AKR1B1: variants seen among roughly 807,000 people sequenced by gnomAD.
The protein encoded by AKR1B1 is aldo-keto reductase family 1 member B.
Under a neutral mutation model 40.4 loss-of-function variants are expected in AKR1B1, and 22 were observed. That is an observed-to-expected ratio of 0.54 (90% CI 0.39 to 0.78). The LOEUF is 0.78. AKR1B1 is among the 30% of genes least tolerant of loss of function. The pLI, the probability that AKR1B1 is intolerant of heterozygous loss-of-function variation, is 0.00. For synonymous variants in AKR1B1, 157 were observed against 149.9 expected (o/e 1.05, Z -0.35); for missense variants, 357 against 396.7 (o/e 0.90, Z 0.85).
intron 9 of AKR1B1, 95 bp from the exon 10 acceptor site, chr7:134,442,865 A>C: frequency 8.1e-7 from 1 of 1,228,510 alleles, no homozygotes; most frequent in Non-Finnish European, 1.2e-6. Context: ...CACTGAAGAA[A>C]TAAAATAGAA....
chr7:134,446,573 T>C (rs1806101772), intron 8 of AKR1B1, among the ~76,000 whole-genome samples: 1 of 53,866 alleles, frequency 1.9e-5, no homozygotes, highest in Non-Finnish European at 3.3e-5. Context: ...CTGCTCTCCT[T>C]TGGGCGTGCC....
Position 134,442,627 on chromosome 7 carries a change from C to T in AKR1B1, c.*101G>A, listed in dbSNP as rs1470771909. The T allele has an allele frequency of 1.5e-5, 18 of 1,205,246 alleles. No homozygotes were observed. The highest frequency in any genetic ancestry group is 2.2e-5 in the Non-Finnish European group (18 of 822,088). 74.7% of individuals were successfully genotyped at this position (1,205,246 alleles called of 1,614,324 possible). A position where few individuals can be genotyped will look rare whatever the true frequency, so the allele number is the denominator to read the frequency against. ...CGCTGGCCACTCTACAGGTTGCTGT[C>T]CCACTGCTGAGTGACACAGGCCATA... is the stretch of plus-strand genomic sequence containing the variant. On this transcript the variant is annotated 3_prime_UTR_variant, in exon 10 of 10. Transcript: ENST00000285930.
At chr7:134,455,629 G>A (rs1585718734) in intron 1 of AKR1B1, among the ~76,000 whole-genome samples, 1 of 152,210 alleles carries the variant, frequency 6.6e-6, no homozygotes, top group Middle Eastern at 3.4e-3. Context: ...TGTCGCCTAG[G>A]CTGGAGTGCA....
At chr7:134,448,718 C>T (rs1214427129) in intron 5 of AKR1B1, among the ~76,000 whole-genome samples, 1 of 152,168 alleles carries the variant, frequency 6.6e-6, no homozygotes, top group Non-Finnish European at 1.5e-5. Flanking sequence ...AGAGGCTTTT[C>T]TTGGCTTTAG....
At chr7:134,454,367 C>CGGCTGGCTAATACCA (rs1806398738) in intron 1 of AKR1B1, among the ~76,000 whole-genome samples, 1 of 152,190 alleles carries the variant, frequency 6.6e-6, no homozygotes, top group African/African-American at 2.4e-5. Context: ...TTGATAACAC[C>CGGCTGGCTAATACCA]GGCTGGCTAA....
At position 134,448,925 on chromosome 7, in the gene AKR1B1, C is replaced by A. The variant is rs370691275; in HGVS notation, c.552+72G>T. ...CTGGCCACTTGCTGGGTGAGGTGGACGAGAAATCCCTACCAGCATCAGACA... is the reference window on the plus strand; with the variant it reads ...CTGGCCACTTGCTGGGTGAGGTGGAAGAGAAATCCCTACCAGCATCAGACA... On this transcript the variant is annotated intron_variant, in intron 5 of 9. Coordinates refer to ENST00000285930, the MANE Select transcript of AKR1B1 (RefSeq NM_001628.4). The A allele has an allele frequency of 1.1e-5, 17 of 1,601,980 alleles. No individual in the cohort carries two copies. The South Asian group carries it at 1.4e-4, about 13-fold the overall frequency.
intron 1 of AKR1B1, among the ~76,000 whole-genome samples, chr7:134,456,239 G>A (rs1034212855): frequency 3.3e-5 from 5 of 151,986 alleles, no homozygotes; most frequent in African/African-American, 4.8e-5. Context: ...TTGCTCCATC[G>A]CCCAGGCTGG....
rs1040245491 is a variant in AKR1B1 at position 134,448,571 on chromosome 7, A to G, written c.553-78T>C. On this transcript the variant is annotated intron_variant, in intron 5 of 9. Coordinates refer to ENST00000285930, the MANE Select transcript of AKR1B1 (RefSeq NM_001628.4). The stretch of plus-strand genomic sequence containing the variant: ...GGACACAGATGAAGCTTCCTATGCT[A>G]AAGTCCCTCCCTACCCCATACAGAA... 1.2e-5 allele frequency: 13 copies of G among 1,100,056 alleles called. 1 individual carries two copies. Among genetic ancestry groups the G allele is most frequent in the East Asian group, 4.7e-5 (2 of 42,314 alleles). 68.1% of individuals were successfully genotyped at this position (1,100,056 alleles called of 1,614,324 possible). A position where few individuals can be genotyped will look rare whatever the true frequency, so the allele number is the denominator to read the frequency against.
chr7:134,449,361 C>T lies in AKR1B1; in HGVS notation c.430-242G>A, dbSNP rs59613937. ...CAGCACTTTGGGAGGCTGAGGCGGGCGGATCACGAGGTCAGGAGATCAAGA... is the reference window on the plus strand; with the variant it reads ...CAGCACTTTGGGAGGCTGAGGCGGGTGGATCACGAGGTCAGGAGATCAAGA... On this transcript the variant is annotated intron_variant, in intron 4 of 9. Coordinates refer to ENST00000285930, the MANE Select transcript of AKR1B1 (RefSeq NM_001628.4). 260 of 589,722 alleles carry T rather than the reference C, an allele frequency of 4.4e-4. 1 individual carries two copies. In the East Asian group the frequency reaches 4.6e-3, roughly 10 times the overall value. The allele number at this position is 589,722 out of a possible 1,614,324, so 36.5% of individuals were successfully genotyped here. A position where few individuals can be genotyped will look rare whatever the true frequency, so the allele number is the denominator to read the frequency against.
chr7:134,451,444 G>T, intron 2 of AKR1B1, 142 bp downstream of exon 2: 1 of 1,033,322 alleles, frequency 9.7e-7, no homozygotes. Context: ...AGCCCTGTAT[G>T]GCCGTGGGTG....
At chr7:134,447,461 C>G in intron 7 of AKR1B1, 80 bp from the exon 8 acceptor site, 2 of 1,241,768 alleles carry the variant, frequency 1.6e-6, no homozygotes, top group Non-Finnish European at 2.4e-6. Flanking sequence ...CACACACAAC[C>G]TGCAGAAGGA....
At chr7:134,457,477 T>C (rs1806506255) in intron 1 of AKR1B1, among the ~76,000 whole-genome samples, 1 of 152,208 alleles carries the variant, frequency 6.6e-6, no homozygotes, top group Non-Finnish European at 1.5e-5. Context: ...ACTGGAGTTT[T>C]TGGAGGAAAC....
At chr7:134,447,566 T>C (rs1343073904) in intron 7 of AKR1B1, 185 bp from the exon 8 acceptor site, 2 of 675,520 alleles carry the variant, frequency 3.0e-6, no homozygotes, top group Non-Finnish European at 5.4e-6. Context: ...CAGATCTGAC[T>C]CCAGAGTCCT....
chr7:134,447,168 CCA>C lies in AKR1B1; in HGVS notation c.825+128_825+129del, dbSNP rs1238153597. On this transcript the variant is annotated intron_variant, in intron 8 of 9. Coordinates refer to ENST00000285930, the MANE Select transcript of AKR1B1 (RefSeq NM_001628.4). ...GTCAGTCTCAGTCTTGGCTTGCTCG[CCA>C]CAGCTCCCTGGCCTCAGAAGAGAGG... 4.6e-5 allele frequency: 41 copies of C among 894,938 alleles called. No individual in the cohort carries two copies. In the African/African-American group the frequency reaches 6.3e-4, roughly 14 times the overall value. The allele number at this position is 894,938 out of a possible 1,614,324, so 55.4% of individuals were successfully genotyped here.
chr7:134,447,816 C>G (rs1806149608), intron 7 of AKR1B1, 164 bp downstream of exon 7: 12 of 729,482 alleles, frequency 1.6e-5, no homozygotes, highest in Non-Finnish European at 2.7e-5. Context: ...ATGCCAGAGT[C>G]TTCTAAAACC....
At chr7:134,458,702 G>C (rs1462582116) in intron 1 of AKR1B1, among the ~76,000 whole-genome samples, 1 of 152,158 alleles carries the variant, frequency 6.6e-6, no homozygotes, top group Non-Finnish European at 1.5e-5. Context: ...AATGCGGACT[G>C]GTGGGCCGCC....
chr7:134,450,114 TAA>T (rs1001667164), intron 3 of AKR1B1, among the ~76,000 whole-genome samples: 5 of 152,176 alleles, frequency 3.3e-5, no homozygotes, highest in Non-Finnish European at 7.3e-5. Context: ...CACTGGCCTA[TAA>T]AACTACCACC....
intron 9 of AKR1B1, 177 bp downstream of exon 9, chr7:134,445,061 T>C: frequency 1.5e-6 from 1 of 687,870 alleles, no homozygotes; most frequent in Non-Finnish European, 2.6e-6. Flanking sequence ...TCTTGGCATC[T>C]TGGCTCCATG....
chr7:134,442,853 C>G, intron 9 of AKR1B1, 83 bp from the exon 10 acceptor site: 1 of 1,306,642 alleles, frequency 7.7e-7, no homozygotes, highest in Non-Finnish European at 1.1e-6. Context: ...AATGATGTGT[C>G]TCACTGAAGA....
Sources: gnomAD v4.1 joint callset for allele counts (sites outside exome capture counted in the v4.1 genomes callset) on GRCh38, gnomAD v4.1.1 for gene constraint, MANE v1.5 for transcripts, NCBI Gene and HGNC (gene_info 2026-07-23, HGNC 2026-07-21) for gene names.